The following FGF1 variants were observed in gnomAD, a reference collection of about 807,000 sequenced individuals.
The protein encoded by FGF1 is fibroblast growth factor 1.
In FGF1, 9 loss-of-function variants were observed where a neutral mutation model predicts 13.4. The ratio of observed to expected loss-of-function variants is 0.67; its 90% CI spans 0.40 to 1.17. The LOEUF is 1.17. Ranked by LOEUF, FGF1 falls within the 50% of genes most tolerant of loss-of-function variation. The pLI is 0.01. For synonymous variants in FGF1, 93 were observed against 79.0 expected, an observed-to-expected ratio of 1.18 and a Z score of -0.94; for missense variants, 156 against 192.7, an observed-to-expected ratio of 0.81 and a Z score of 1.13.
rs1011040976 is a variant in FGF1 at position 142,593,649 on chromosome 5, A to G, written c.*1641T>C. On this transcript the variant is annotated 3_prime_UTR_variant, in exon 4 of 4. Transcript: ENST00000337706. ...TGTAATAGCACAGTGGAAAACAAAA[A>G]TCTCATTTTATAGGTAAATAAGTAT... 4 of 152,450 alleles carry G rather than the reference A, an allele frequency of 2.6e-5. No individual in the cohort carries two copies. The highest frequency in any genetic ancestry group is 7.2e-5 in the African/African-American group (3 of 41,462). The allele number at this position is 152,450 out of a possible 1,614,324, so 9.4% of individuals were successfully genotyped here.
At chr5:142,645,218 A>G (rs2151959162) in intron 1 of FGF1, among the ~76,000 whole-genome samples, 1 of 152,314 alleles carries the variant, frequency 6.6e-6, no homozygotes, top group South Asian at 2.1e-4. Flanking sequence ...TGGAGTGAGT[A>G]TTCCCTGATG....
At chr5:142,649,095 T>C (rs1467504482) in intron 1 of FGF1, among the ~76,000 whole-genome samples, 6 of 152,242 alleles carry the variant, frequency 3.9e-5, no homozygotes, top group Non-Finnish European at 2.9e-5. Flanking sequence ...TCATGTTTTC[T>C]GGAATTTACC....
chr5:142,684,879 C>T (rs1013898806), intron 1 of FGF1, among the ~76,000 whole-genome samples: 5 of 151,866 alleles, frequency 3.3e-5, no homozygotes, highest in Non-Finnish European at 7.4e-5. Flanking sequence ...CGTAAACAAT[C>T]GCATCCCTGT....
intron 1 of FGF1, among the ~76,000 whole-genome samples, chr5:142,651,585 ACCATTAT>A (rs1245658808): frequency 6.6e-6 from 1 of 152,154 alleles, no homozygotes; most frequent in Non-Finnish European, 1.5e-5. Flanking sequence ...ACGTATATCT[ACCATTAT>A]CGTTTCCTAC....
At chr5:142,663,337 T>G (rs1162433343) in intron 1 of FGF1, among the ~76,000 whole-genome samples, 1 of 152,138 alleles carries the variant, frequency 6.6e-6, no homozygotes, top group Non-Finnish European at 1.5e-5. Flanking sequence ...TGATATTAAT[T>G]TCTTGTTGAA....
rs571284593 is a variant in FGF1 at position 142,646,389 on chromosome 5, C to T, written c.-34-32228G>A. On this transcript the variant is annotated intron_variant, in intron 1 of 3. Transcript: ENST00000337706. ...TTTTTTGAGAGGAGACTTGCTCTGT[C>T]CCCCAGACTGGAGTGCAGTGGCGCG... Among the ~76,000 whole-genome samples the T allele has an allele frequency of 1.3e-4, 20 of 151,658 alleles. No individual in the cohort carries two copies. In the South Asian group the frequency reaches 3.6e-3, roughly 27 times the overall value.
intron 1 of FGF1, among the ~76,000 whole-genome samples, chr5:142,654,114 A>G (rs1255594571): frequency 6.6e-6 from 1 of 152,202 alleles, no homozygotes; most frequent in East Asian, 1.9e-4. Flanking sequence ...TCCACCTTGT[A>G]TGTAATTCTA....
chr5:142,637,413 G>A (rs1028570510), intron 1 of FGF1, among the ~76,000 whole-genome samples: 3 of 151,384 alleles, frequency 2.0e-5, no homozygotes, highest in African/African-American at 7.3e-5. Context: ...TCCGCCTCCT[G>A]GATTCACACC....
chr5:142,621,041 C>T (rs1388421534), intron 1 of FGF1, among the ~76,000 whole-genome samples: 1 of 152,190 alleles, frequency 6.6e-6, no homozygotes, highest in African/African-American at 2.4e-5. Context: ...CTCACCTGGG[C>T]TGCTGCAGCA....
intron 1 of FGF1, among the ~76,000 whole-genome samples, chr5:142,676,171 C>A (rs1772564424): frequency 6.6e-6 from 1 of 152,152 alleles, no homozygotes; most frequent in Admixed American, 6.5e-5. Flanking sequence ...AAACAGGTGA[C>A]CTGCATGTCC....
chr5:142,663,839 C>CAGCCTCACCTTACT (rs1264845138), intron 1 of FGF1, among the ~76,000 whole-genome samples: 1 of 152,102 alleles, frequency 6.6e-6, no homozygotes, highest in Admixed American at 6.6e-5. Context: ...TTCGAAGAGG[C>CAGCCTCACCTTACT]AGGGTGAGGC....
At position 142,614,048 on chromosome 5, in the gene FGF1, T is replaced by C; in HGVS notation, c.80A>G (p.Lys27Arg). ...GCCCCCGTTGCTACAGTAGAGGAGT[T>C]TGGGCTTCTTGTAATTCCCTGGAGG... ...NLPPGNYKKP[K>R]LLYCSNGGHF... Residue 27 changes from lysine (K) to arginine (R), a missense_variant, in exon 2 of 4, where the codon AAA becomes AGA. Physicochemically the swap from Lys to Arg is conservative, Grantham distance 26. Coordinates refer to ENST00000337706, the MANE Select transcript of FGF1 (RefSeq NM_000800.5). The C allele has an allele frequency of 6.2e-7, 1 of 1,614,082 alleles. No individual in the cohort carries two copies. The highest frequency in any genetic ancestry group is 1.3e-5 in the African/African-American group (1 of 75,042).
intron 1 of FGF1, among the ~76,000 whole-genome samples, chr5:142,663,802 G>A (rs982869114): frequency 6.6e-6 from 1 of 152,216 alleles, no homozygotes; most frequent in Non-Finnish European, 1.5e-5. Flanking sequence ...AACAGAGCTA[G>A]GAAGTGGTTA....
intron 1 of FGF1, among the ~76,000 whole-genome samples, chr5:142,626,152 A>G (rs939761433): frequency 1.2e-4 from 19 of 152,092 alleles, no homozygotes; most frequent in African/African-American, 4.6e-4. Context: ...TTAGGAAAGT[A>G]TTTTTGTTTT....
At chr5:142,666,543 C>CAA (rs111227134) in intron 1 of FGF1, among the ~76,000 whole-genome samples, 4 of 151,496 alleles carry the variant, frequency 2.6e-5, no homozygotes, top group Admixed American at 6.6e-5. Context: ...ATGTTCCCCA[C>CAA]AAAAAAAACC....
intron 1 of FGF1, among the ~76,000 whole-genome samples, chr5:142,629,243 A>G (rs1379454775): frequency 3.3e-5 from 5 of 152,000 alleles, no homozygotes; most frequent in Non-Finnish European, 7.4e-5. Context: ...GTAGCCTCAA[A>G]CTCCTGGGCT....
chr5:142,665,843 C>T lies in FGF1; in HGVS notation c.-35+20114G>A, dbSNP rs1168645341. On this transcript the variant is annotated intron_variant, in intron 1 of 3. Transcript: ENST00000337706. ...TTTTCCTTTGGGGAGGCTGGAGAGG[C>T]CCACAGGTAGTCAAGCGTTGCCTGT... Among the ~76,000 whole-genome samples, 3 of 152,274 alleles carry T rather than the reference C, an allele frequency of 2.0e-5. No homozygotes were observed. The East Asian group carries it at 5.8e-4, about 29-fold the overall frequency.
intron 1 of FGF1, among the ~76,000 whole-genome samples, chr5:142,653,005 C>T (rs974307527): frequency 6.6e-6 from 1 of 152,220 alleles, no homozygotes; most frequent in Non-Finnish European, 1.5e-5. Context: ...TCCTCTGTCT[C>T]GTTTTCTTCC....
chr5:142,681,178 A>G (rs562858185), intron 1 of FGF1, among the ~76,000 whole-genome samples: 8 of 152,332 alleles, frequency 5.3e-5, no homozygotes, highest in Admixed American at 3.9e-4. Flanking sequence ...TTTGGTATAA[A>G]ACAAATCTCT....
Sources: allele counts gnomAD v4.1 joint callset (sites outside exome capture counted in the v4.1 genomes callset), GRCh38; gene constraint gnomAD v4.1.1; transcripts MANE v1.5; gene names NCBI Gene and HGNC (gene_info 2026-07-23, HGNC 2026-07-21).